Variants in DENND4A observed in about 807,000 individuals in gnomAD.
The protein encoded by DENND4A is DENN domain containing 4A.
In DENND4A, 70 loss-of-function variants were observed where a neutral mutation model predicts 199.3. The observed-to-expected ratio is 0.35, with a 90% CI of 0.29 to 0.43. The LOEUF is 0.43. Ranked by LOEUF, DENND4A falls within the 20% of genes least tolerant of loss-of-function variation. The pLI, the probability that DENND4A is intolerant of heterozygous loss-of-function variation, is 1.00. For missense variants in DENND4A, 1,723 were observed against 2,255.8 expected (o/e 0.76, Z 4.78); for synonymous variants, 686 against 766.9 (o/e 0.89, Z 1.74).
chr15:65,727,385 G>A (rs951155717), intron 11 of DENND4A, among the ~76,000 whole-genome samples: 16 of 149,874 alleles, frequency 1.1e-4, no homozygotes, highest in Admixed American at 4.0e-4. Context: ...CCCAGGAGGC[G>A]GAGCTTACAT....
chr15:65,694,804 ATCTAC>A, intron 22 of DENND4A, among the ~76,000 whole-genome samples: 1 of 152,196 alleles, frequency 6.6e-6, no homozygotes, highest in East Asian at 1.9e-4. Flanking sequence ...CACCAAAGAA[ATCTAC>A]TCTACACTTT....
At chr15:65,785,818 T>A (rs548784719) in intron 1 of DENND4A, among the ~76,000 whole-genome samples, 1 of 152,208 alleles carries the variant, frequency 6.6e-6, no homozygotes, top group Non-Finnish European at 1.5e-5. Context: ...AGGACAAAAT[T>A]ACAGTAACTT....
chr15:65,741,592 G>A, intron 5 of DENND4A, 123 bp downstream of exon 5: 1 of 610,184 alleles, frequency 1.6e-6, no homozygotes. Flanking sequence ...ATGAGAATCA[G>A]AAGATACGGA....
In DENND4A at chr15:65,691,042, T is replaced by G. The variant is rs2076952092; in HGVS notation, c.3552A>C (p.Thr1184=). 6.2e-7 allele frequency: 1 copy of G among 1,612,642 alleles called. No individual in the cohort carries two copies. The highest frequency in any genetic ancestry group is 1.3e-5 in the African/African-American group (1 of 75,062). The change falls in exon 23 of 33, where the codon ACA becomes ACC. Residue 1184 remains threonine, a synonymous_variant. Transcript: ENST00000443035. ...TACGTTGAATCCTCTTGGGATTTTG[T>G]GTAGCAACACATCCTGCTTTTGATA... ...TDVSKAGCVA[T]QNPKRIQRMN... is the part of the protein sequence containing the mutation.
chr15:65,735,626 G>C (rs1339740948), intron 7 of DENND4A, among the ~76,000 whole-genome samples: 1 of 152,084 alleles, frequency 6.6e-6, no homozygotes, highest in African/African-American at 2.4e-5. Flanking sequence ...TTAAGTTTTG[G>C]CTGTAGTGTA....
chr15:65,689,565 T>C (rs996961669), intron 23 of DENND4A, among the ~76,000 whole-genome samples: 1 of 152,198 alleles, frequency 6.6e-6, no homozygotes, highest in Non-Finnish European at 1.5e-5. Flanking sequence ...GGTTTGCCAA[T>C]GGTCCTAAGG....
chr15:65,708,454 T>C (rs1244367190), intron 14 of DENND4A, among the ~76,000 whole-genome samples: 1 of 152,222 alleles, frequency 6.6e-6, no homozygotes, highest in East Asian at 1.9e-4. Flanking sequence ...CGGTAAAGTC[T>C]ATACAAATAT....
intron 11 of DENND4A, among the ~76,000 whole-genome samples, chr15:65,727,452 CAAAAAAAAAA>C (rs35066518): frequency 4.4e-5 from 3 of 68,770 alleles, no homozygotes; most frequent in Non-Finnish European, 8.6e-5. Context: ...GACTCCGTCT[CAAAAAAAAAA>C]AAAAAAAAAA....
chr15:65,756,649 A>G (rs372516238), intron 2 of DENND4A, among the ~76,000 whole-genome samples, 177 bp from the exon 3 acceptor site: 2 of 152,248 alleles, frequency 1.3e-5, no homozygotes, highest in East Asian at 1.9e-4. Flanking sequence ...CATCTTTAGC[A>G]ATCTTTTATT....
chr15:65,718,853 T>C (rs1035681195), intron 12 of DENND4A, among the ~76,000 whole-genome samples: 5 of 144,210 alleles, frequency 3.5e-5, no homozygotes, highest in Non-Finnish European at 3.0e-5. Flanking sequence ...GATCTCAGCT[T>C]ACTGCAGCCC....
intron 1 of DENND4A, chr15:65,771,542 A>G (rs2077126140): frequency 6.2e-7 from 1 of 1,612,072 alleles, no homozygotes; most frequent in South Asian, 1.1e-5. Flanking sequence ...GATCAATACA[A>G]TTATGGGCAT....
At chr15:65,664,302 T>C in intron 32 of DENND4A, 28 bp downstream of exon 32, 1 of 1,256,812 alleles carries the variant, frequency 8.0e-7, no homozygotes, top group Non-Finnish European at 1.1e-6. Context: ...TATATAAATA[T>C]TACATATTAG....
intron 4 of DENND4A, among the ~76,000 whole-genome samples, 166 bp downstream of exon 4, chr15:65,752,213 G>A (rs10431765): frequency 0.57 from 71,819 of 126,972 alleles, 22,032 homozygotes; most frequent in African/African-American, 0.83. Context: ...AGTACTTTCC[G>A]AAAAGTAAAA....
intron 2 of DENND4A, among the ~76,000 whole-genome samples, chr15:65,759,673 T>G (rs2140731274): frequency 6.6e-6 from 1 of 152,316 alleles, no homozygotes; most frequent in African/African-American, 2.4e-5. Context: ...CTGAGAAGAC[T>G]GTTAAATGCT....
chr15:65,689,310 G>T (rs1277201784), intron 23 of DENND4A, among the ~76,000 whole-genome samples: 1 of 151,974 alleles, frequency 6.6e-6, no homozygotes, highest in African/African-American at 2.4e-5. Flanking sequence ...TCACTTGAGG[G>T]TCTCTTTCCG....
At chr15:65,778,319 A>G (rs2077337409) in intron 1 of DENND4A, among the ~76,000 whole-genome samples, 1 of 152,246 alleles carries the variant, frequency 6.6e-6, no homozygotes, top group South Asian at 2.1e-4. Context: ...TTCTCTGGTG[A>G]TAACAGCCAG....
At chr15:65,748,382 C>T (rs2076468708) in intron 4 of DENND4A, among the ~76,000 whole-genome samples, 1 of 151,722 alleles carries the variant, frequency 6.6e-6, no homozygotes, top group South Asian at 2.1e-4. Context: ...CTTTGGGAGG[C>T]CAAGGAGGGA....
chr15:65,748,076 AG>A (rs1003677781), intron 4 of DENND4A, among the ~76,000 whole-genome samples: 10 of 150,124 alleles, frequency 6.7e-5, no homozygotes, highest in African/African-American at 2.4e-4. Context: ...AAAAAAAAAA[AG>A]TCTGCTTCCC....
intron 23 of DENND4A, among the ~76,000 whole-genome samples, chr15:65,687,610 C>T (rs2076834774): frequency 6.6e-6 from 1 of 152,114 alleles, no homozygotes; most frequent in Admixed American, 6.6e-5. Flanking sequence ...CACCTTCACC[C>T]ATGAAGAATA....
Sources: gnomAD v4.1 joint callset for allele counts (sites outside exome capture counted in the v4.1 genomes callset) on GRCh38, gnomAD v4.1.1 for gene constraint, MANE v1.5 for transcripts, NCBI Gene and HGNC (gene_info 2026-07-23, HGNC 2026-07-21) for gene names.